Variants in STX3 observed in about 807,000 individuals in gnomAD.
STX3 encodes syntaxin 3.
A neutral mutation model predicts 40.2 loss-of-function variants in STX3; 19 were observed. That is an observed-to-expected ratio of 0.47 (90% confidence interval 0.33 to 0.69). The LOEUF (loss-of-function observed/expected upper bound fraction) is 0.69, where lower values mean the gene tolerates loss of function less well. STX3 is among the 30% of genes least tolerant of loss of function. STX3 has a pLI of 0.02. For missense variants in STX3, 364 were observed against 366.7 expected (o/e 0.99, Z 0.06); for synonymous variants, 122 against 132.2 (o/e 0.92, Z 0.53).
intron 2 of STX3, among the ~76,000 whole-genome samples, chr11:59,785,472 AG>A (rs1864694384): frequency 6.6e-6 from 1 of 152,100 alleles, no homozygotes. Context: ...CTGGGACTAC[AG>A]GGGCATGCCA....
intron 1 of STX3, among the ~76,000 whole-genome samples, chr11:59,772,001 A>G (rs1863678762): frequency 6.6e-6 from 1 of 152,222 alleles, no homozygotes; most frequent in Admixed American, 6.5e-5. Context: ...GAGACTGTCC[A>G]CATGGCTGGA....
At chr11:59,781,100 T>TTTTTTTTTTTTTTTTTTTTTTTATA (rs963410109) in intron 2 of STX3, among the ~76,000 whole-genome samples, 1 of 146,308 alleles carries the variant, frequency 6.8e-6, no homozygotes, top group Admixed American at 6.8e-5. Flanking sequence ...TTTTTTTTTT[T>TTTTTTTTTTTTTTTTTTTTTTTATA]TATATTAGCA....
At chr11:59,754,887 C>G (rs2134831854), upstream of STX3, 1 of 152,384 alleles carries the variant, frequency 6.6e-6, no homozygotes, top group African/African-American at 2.4e-5. Context: ...ATCTCCAGAT[C>G]TCCAGGTCTT....
intron 1 of STX3, among the ~76,000 whole-genome samples, chr11:59,764,838 A>C (rs974832862): frequency 2.0e-5 from 3 of 151,918 alleles, no homozygotes. Flanking sequence ...GAATTAATAC[A>C]TTTGAAACCA....
chr11:59,800,764 TCC>T, intron 10 of STX3, 89 bp from the exon 11 acceptor site: 1 of 1,530,756 alleles, frequency 6.5e-7, no homozygotes. Flanking sequence ...TGGTCTTTCC[TCC>T]CCACCTTCCA....
chr11:59,800,648 G>A (rs1865835590), intron 10 of STX3: 1 of 985,216 alleles, frequency 1.0e-6, no homozygotes, highest in African/African-American at 1.7e-5. Context: ...AGGCCTAGAG[G>A]CTTTTCTATT....
intron 8 of STX3, among the ~76,000 whole-genome samples, chr11:59,793,745 C>A (rs974959292): frequency 6.6e-6 from 1 of 151,794 alleles, no homozygotes. Context: ...GCCTTGCAGT[C>A]GTTGCTAGTT....
rs1863764784 is a variant in STX3 at position 59,773,284 on chromosome 11, T to C, written c.104T>C (p.Phe35Ser). The change falls in exon 2 of 11, where the codon TTC (phenylalanine) becomes TCC (serine). Residue 35 changes from phenylalanine to serine, a missense_variant. Transcript: ENST00000337979. ...AIDNTAFMDE[F>S]FSEIEETRLN... ...GACAACACGGCTTTTATGGACGAGTTCTTTTCTGAGGTAGGCAACCTTCCT... is the reference window on the plus strand; with the variant it reads ...GACAACACGGCTTTTATGGACGAGTCCTTTTCTGAGGTAGGCAACCTTCCT... 6.2e-7 allele frequency: 1 copy of C among 1,613,998 alleles called. No individual in the cohort carries two copies. The highest frequency in any genetic ancestry group is 1.7e-5 in the Admixed American group (1 of 60,006).
At chr11:59,797,178 A>T in intron 9 of STX3, 105 bp from the exon 10 acceptor site, 2 of 780,310 alleles carry the variant, frequency 2.6e-6, no homozygotes, top group Non-Finnish European at 4.4e-6. Context: ...TCAGACTGGT[A>T]AGATATTTTC....
chr11:59,800,985 C>A lies in STX3; in HGVS notation c.*161C>A. ...GCAACCACCCTTGGACCTGACTCAG[C>A]TAACAATCTAGCCCTGGGGGAATGT... On this transcript the variant is annotated 3_prime_UTR_variant, in exon 11 of 11. Transcript: ENST00000337979. 1 of 1,532,158 alleles carries A rather than the reference C, an allele frequency of 6.5e-7. No homozygotes were observed. Among genetic ancestry groups the A allele is most frequent in the South Asian group, 1.2e-5 (1 of 83,554 alleles). The allele number at this position is 1,532,158 out of a possible 1,614,324, so 94.9% of individuals were successfully genotyped here.
At position 59,793,476 on chromosome 11, in the gene STX3, G is replaced by T; in HGVS notation, c.637G>T (p.Asp213Tyr). 1 of 1,614,124 alleles carries T rather than the reference G, an allele frequency of 6.2e-7. No homozygotes were observed. The highest frequency in any genetic ancestry group is 1.6e-4 in the Middle Eastern group (1 of 6,062). Residue 213 changes from aspartate (D) to tyrosine (Y), a missense_variant, in exon 8 of 11, where the codon GAC becomes TAC. Transcript: ENST00000337979. ...GGAGAGCAGCATCAAGGAGCTTCAC[G>T]ACATGTTTATGGACATCGCCATGCT... ...RLESSIKELHDMFMDIAMLVE... is the reference protein window; with the variant it reads ...RLESSIKELHYMFMDIAMLVE...
At chr11:59,773,991 A>C (rs1187609439) in intron 2 of STX3, among the ~76,000 whole-genome samples, 72 of 151,902 alleles carry the variant, frequency 4.7e-4, no homozygotes, top group Middle Eastern at 3.4e-3. Context: ...AAAAAAAAAA[A>C]AAAAAAAAAT....
intron 2 of STX3, 121 bp downstream of exon 2, chr11:59,773,415 TG>T: frequency 2.4e-6 from 2 of 850,176 alleles, no homozygotes; most frequent in Non-Finnish European, 1.9e-6. Context: ...TTTGCTAGGG[TG>T]GGATGGCCAG....
intron 1 of STX3, among the ~76,000 whole-genome samples, chr11:59,769,623 C>T (rs1565166551): frequency 6.6e-6 from 1 of 152,052 alleles, no homozygotes; most frequent in African/African-American, 2.4e-5. Context: ...AAGAAGTAGC[C>T]ATTGTGGATG....
intron 1 of STX3, among the ~76,000 whole-genome samples, chr11:59,768,452 A>G (rs1863394242): frequency 6.6e-6 from 1 of 152,186 alleles, no homozygotes; most frequent in Non-Finnish European, 1.5e-5. Flanking sequence ...TGAATAGCAG[A>G]GGAGTATATG....
In STX3 at chr11:59,773,968, TCA is replaced by T. The variant is rs1565171295; in HGVS notation, c.114+683_114+684del. Among the ~76,000 whole-genome samples, 15 of 104,562 alleles carry T rather than the reference TCA, an allele frequency of 1.4e-4. No homozygotes were observed. In the South Asian group the frequency reaches 3.4e-3, roughly 24 times the overall value. The allele number at this position is 104,562 out of a possible 152,430, so 68.6% of individuals were successfully genotyped here. On this transcript the variant is annotated intron_variant, in intron 2 of 10. Transcript: ENST00000337979. ...CTGGGTGACAGAGTGAGACTTTGTC[TCA>T]CACACACAAAAAAAAAAAAAAAAAA...
intron 1 of STX3, among the ~76,000 whole-genome samples, chr11:59,767,979 T>C (rs553286122): frequency 5.9e-5 from 9 of 152,324 alleles, no homozygotes; most frequent in Admixed American, 2.0e-4. Flanking sequence ...GTCAAAGCTG[T>C]AGAGAAGTTG....
chr11:59,805,194 A>AAAAAAAAAAAAC lies in STX3; in HGVS notation c.*4371_*4382dup, dbSNP rs1323267469. ...TTCCATCTAAAAAAAAAAAAAAAACAAAAAAAAAAAACTGTTCTTAATACT... is the reference window on the plus strand; with the variant it reads ...TTCCATCTAAAAAAAAAAAAAAAACAAAAAAAAAAAACAAAAAAAAAAACTGTTCTTAATACT... On this transcript the variant is annotated 3_prime_UTR_variant, in exon 11 of 11. Coordinates refer to ENST00000337979, the MANE Select transcript of STX3 (RefSeq NM_004177.5). 3.5e-5 allele frequency: 5 copies of AAAAAAAAAAAAC among 143,710 alleles called. No homozygotes were observed. The highest frequency in any genetic ancestry group is 7.6e-5 in the Non-Finnish European group (5 of 65,394). 8.9% of individuals were successfully genotyped at this position (143,710 alleles called of 1,614,324 possible). A position where few individuals can be genotyped will look rare whatever the true frequency, so the allele number is the denominator to read the frequency against.
intron 9 of STX3, chr11:59,795,721 C>G (rs1363950158): frequency 1.3e-6 from 2 of 1,535,124 alleles, no homozygotes; most frequent in Non-Finnish European, 1.7e-6. Flanking sequence ...GGGTGAGCAC[C>G]TTCATCTCAA....
Sources: allele counts gnomAD v4.1 joint callset (sites outside exome capture counted in the v4.1 genomes callset), GRCh38; gene constraint gnomAD v4.1.1; transcripts MANE v1.5; gene names NCBI Gene and HGNC (gene_info 2026-07-23, HGNC 2026-07-21).